ADAMTS2: variants seen among roughly 807,000 people sequenced by gnomAD.
The protein encoded by ADAMTS2 is A disintegrin and metalloproteinase with thrombospondin motifs 2.
A neutral mutation model predicts 123.0 loss-of-function variants in ADAMTS2; 50 were observed. The ratio of observed to expected loss-of-function variants is 0.41; its 90% CI spans 0.32 to 0.51. ADAMTS2 has a LOEUF of 0.51. Among genes scored for constraint, ADAMTS2 ranks in the 20% least tolerant of loss-of-function variants. The pLI is 0.35. For missense variants in ADAMTS2, 1,494 were observed against 1,705.2 expected, an observed-to-expected ratio of 0.88 and a Z score of 2.18; for synonymous variants, 678 against 695.4, an observed-to-expected ratio of 0.98 and a Z score of 0.39.
rs770836977 is a variant in ADAMTS2, at chr5:179,262,436, G to A, written c.688+10475C>T. 6.7e-6 allele frequency among the ~76,000 whole-genome samples: 1 copy of A among 149,708 alleles called. No individual in the cohort carries two copies. The highest frequency in any genetic ancestry group is 1.5e-5 in the Non-Finnish European group (1 of 67,298). ...CGAAAACCCTCCAAAGGCCTCCACC[G>A]CACAGGGAATGAATTCTCACCCCGT... On this transcript the variant is annotated intron_variant, in intron 3 of 21. Transcript: ENST00000251582. This position sits in a 1 kb window ranked among gnomAD's most constrained non-coding sequence, Gnocchi z 5.9.
In ADAMTS2 at chr5:179,125,742, C is replaced by T. The variant is rs147365657; in HGVS notation, c.2750+256G>A. Among the ~76,000 whole-genome samples, 860 of 152,376 alleles carry T rather than the reference C, an allele frequency of 5.6e-3. 6 individuals are homozygous for T. Among genetic ancestry groups the T allele is most frequent in the African/African-American group, 0.019 (789 of 41,600 alleles). Reference sequence around the variant, plus strand: ...GTACAGGGCCAGGAGGCGAGCCCTGCGCCTCTGAACCCCCATTTCCCCATC... The same window carrying T: ...GTACAGGGCCAGGAGGCGAGCCCTGTGCCTCTGAACCCCCATTTCCCCATC... On this transcript the variant is annotated intron_variant, in intron 18 of 21. Coordinates refer to ENST00000251582, the MANE Select transcript of ADAMTS2 (RefSeq NM_014244.5).
At chr5:179,135,845 G>A (rs887060475) in intron 13 of ADAMTS2, 64 bp downstream of exon 13, 14 of 1,607,886 alleles carry the variant, frequency 8.7e-6, no homozygotes, top group Non-Finnish European at 1.2e-5. Context: ...AAAAGGGGGA[G>A]GTCAGTACCC....
chr5:179,137,499 G>A (rs1352800431), intron 12 of ADAMTS2, among the ~76,000 whole-genome samples: 2 of 152,248 alleles, frequency 1.3e-5, no homozygotes, highest in Non-Finnish European at 2.9e-5. Flanking sequence ...GCAGGAGCCC[G>A]GCCCCTGCCG....
At chr5:179,125,546 G>A (rs11948229) in intron 18 of ADAMTS2, among the ~76,000 whole-genome samples, 4,540 of 152,218 alleles carry the variant, frequency 0.03, 253 homozygotes, top group African/African-American at 0.1. Flanking sequence ...AATCCTTCTC[G>A]GCAGAGCTCA....
At chr5:179,330,903 G>A (rs1177398498) in intron 2 of ADAMTS2, among the ~76,000 whole-genome samples, 1 of 152,196 alleles carries the variant, frequency 6.6e-6, no homozygotes, top group African/African-American at 2.4e-5. Flanking sequence ...TCAGTAGCAG[G>A]CCAAGGAGAG....
chr5:179,218,659 G>A (rs1043928946), intron 3 of ADAMTS2, among the ~76,000 whole-genome samples: 1 of 152,190 alleles, frequency 6.6e-6, no homozygotes, highest in African/African-American at 2.4e-5. Flanking sequence ...GGGGCTCCTG[G>A]GGCCGGCCTG....
intron 2 of ADAMTS2, among the ~76,000 whole-genome samples, chr5:179,334,545 C>T (rs928534355): frequency 3.9e-5 from 6 of 152,166 alleles, no homozygotes; most frequent in African/African-American, 4.8e-5. Flanking sequence ...AGAGAAATAC[C>T]GGGGGCGTTG....
chr5:179,129,284 C>T lies in ADAMTS2; in HGVS notation c.2457+648G>A, dbSNP rs1050690744. Among the ~76,000 whole-genome samples, 5 of 152,338 alleles carry T rather than the reference C, an allele frequency of 3.3e-5. No homozygotes were observed. Among genetic ancestry groups the T allele is most frequent in the South Asian group, 4.1e-4 (2 of 4,822 alleles). ...CTGCACCTGCTTACAGGTGCACCCA[C>T]GTGTGGAGCGCTGGGGGCTGGTGGA... is the stretch of plus-strand genomic sequence containing the variant. On this transcript the variant is annotated intron_variant, in intron 16 of 21. Transcript: ENST00000251582. This position sits in a 1 kb window ranked among gnomAD's most constrained non-coding sequence, Gnocchi z 4.1.
chr5:179,243,561 C>A (rs1331235683), intron 3 of ADAMTS2, among the ~76,000 whole-genome samples: 6 of 152,184 alleles, frequency 3.9e-5, no homozygotes, highest in African/African-American at 1.4e-4. Context: ...CAACTGCAAA[C>A]AGCCTCAGAG....
At chr5:179,149,941 C>T (rs1192746488) in intron 10 of ADAMTS2, among the ~76,000 whole-genome samples, 3 of 152,196 alleles carry the variant, frequency 2.0e-5, no homozygotes, top group African/African-American at 2.4e-5. Flanking sequence ...GATCCTACCA[C>T]CAAAATGAGT....
At chr5:179,271,288 G>A (rs985531012) in intron 3 of ADAMTS2, among the ~76,000 whole-genome samples, 1 of 152,198 alleles carries the variant, frequency 6.6e-6, no homozygotes, top group Non-Finnish European at 1.5e-5. Flanking sequence ...TCTGGGATCA[G>A]AGACATGGCC....
intron 5 of ADAMTS2, among the ~76,000 whole-genome samples, chr5:179,159,348 G>A (rs75339809): frequency 2.2e-3 from 332 of 152,362 alleles, no homozygotes; most frequent in Non-Finnish European, 4.0e-3. Flanking sequence ...GCCAGAGGAA[G>A]CAGATCACCT....
At chr5:179,114,423 C>A in intron 21 of ADAMTS2, 99 bp from the exon 22 acceptor site, 1 of 1,227,710 alleles carries the variant, frequency 8.1e-7, no homozygotes, top group South Asian at 1.3e-5. Flanking sequence ...ATGGAAGAGC[C>A]CAGAGACAGC....
chr5:179,274,428 C>G (rs1766635494), intron 2 of ADAMTS2, among the ~76,000 whole-genome samples: 5 of 152,256 alleles, frequency 3.3e-5, no homozygotes, highest in African/African-American at 1.2e-4. Flanking sequence ...TTTCCAGCAC[C>G]CATCGACACT....
At chr5:179,178,468 C>T (rs1454064610) in intron 5 of ADAMTS2, among the ~76,000 whole-genome samples, 1 of 152,250 alleles carries the variant, frequency 6.6e-6, no homozygotes, top group South Asian at 2.1e-4. Flanking sequence ...CATCCCTGGA[C>T]CTCCGAAGTG....
chr5:179,124,934 G>A lies in ADAMTS2; in HGVS notation c.2958+39C>T, dbSNP rs369213385. 3 of 1,600,370 alleles carry A rather than the reference G, an allele frequency of 1.9e-6. No individual in the cohort carries two copies. In the African/African-American group the frequency reaches 4.1e-5, roughly 22 times the overall value. On this transcript the variant is annotated intron_variant, in intron 19 of 21. Transcript: ENST00000251582. ...GCACCTGCATGCCTGTCCACCCTCA[G>A]TTTTGGAGCTGAGGACACGGGATCG...
Position 179,197,139 on chromosome 5 carries a change from A to C in ADAMTS2, c.891+10374T>G, listed in dbSNP as rs894038098. Reference sequence around the variant, plus strand: ...GGTGGCCTCTGGCAGGCCTGAGAGTACGTGTTCCTGGTAGCAATAGGTTGA... The same window carrying C: ...GGTGGCCTCTGGCAGGCCTGAGAGTCCGTGTTCCTGGTAGCAATAGGTTGA... On this transcript the variant is annotated intron_variant, in intron 4 of 21. Coordinates refer to ENST00000251582, the MANE Select transcript of ADAMTS2 (RefSeq NM_014244.5). This position sits in a 1 kb window ranked among gnomAD's most constrained non-coding sequence, Gnocchi z 4.2. 6.6e-6 allele frequency among the ~76,000 whole-genome samples: 1 copy of C among 152,250 alleles called. No homozygotes were observed. Among genetic ancestry groups the C allele is most frequent in the African/African-American group, 2.4e-5 (1 of 41,468 alleles).
At chr5:179,231,503 T>C (rs1398642436) in intron 3 of ADAMTS2, among the ~76,000 whole-genome samples, 1 of 152,164 alleles carries the variant, frequency 6.6e-6, no homozygotes, top group Non-Finnish European at 1.5e-5. Flanking sequence ...GGCGTCCCGG[T>C]GTCTGCACAA....
rs1294291673 is a variant in ADAMTS2 at position 179,197,936 on chromosome 5, C to T, written c.891+9577G>A. 6.6e-6 allele frequency among the ~76,000 whole-genome samples: 1 copy of T among 152,206 alleles called. No homozygotes were observed. The highest frequency in any genetic ancestry group is 1.5e-5 in the Non-Finnish European group (1 of 68,040). Reference sequence around the variant, plus strand: ...GTGCCCAGGCCCACACACATGGCCACAGCATCTGGTTTGTGAGCAGAGACT... The same window carrying T: ...GTGCCCAGGCCCACACACATGGCCATAGCATCTGGTTTGTGAGCAGAGACT... On this transcript the variant is annotated intron_variant, in intron 4 of 21. Coordinates refer to ENST00000251582, the MANE Select transcript of ADAMTS2 (RefSeq NM_014244.5). The surrounding 1 kb of genome is among the most constrained non-coding windows in gnomAD (Gnocchi z 4.2).
Sources: gnomAD v4.1 joint callset for allele counts (sites outside exome capture counted in the v4.1 genomes callset) on GRCh38, gnomAD v4.1.1 for gene constraint, Gnocchi (gnomAD v3.1) non-coding constraint, MANE v1.5 for transcripts, NCBI Gene and HGNC (gene_info 2026-07-23, HGNC 2026-07-21) for gene names.